The following PSME4 variants were observed in gnomAD, a reference collection of about 807,000 sequenced individuals.
PSME4 encodes proteasome activator subunit 4.
A neutral mutation model predicts 253.9 loss-of-function variants in PSME4; 89 were observed. The observed-to-expected ratio is 0.35, with a 90% CI of 0.30 to 0.42. The LOEUF is 0.42. PSME4 is among the 10% of genes least tolerant of loss of function. The pLI is 1.00. For synonymous variants in PSME4, 851 were observed against 759.2 expected, an observed-to-expected ratio of 1.12 and a Z score of -1.99; for missense variants, 2,014 against 2,195.2, an observed-to-expected ratio of 0.92 and a Z score of 1.65.
In PSME4 at chr2:53,867,501, G is replaced by A. The variant is rs574926756; in HGVS notation, c.5264-621C>T. On this transcript the variant is annotated intron_variant, in intron 44 of 46. Transcript: ENST00000404125. The stretch of plus-strand genomic sequence containing the variant: ...GATACAGAGTGAGGCTCCGTCTCAA[G>A]GAAAAAAAAAAAAAAAAAAAAGCTA... Among the ~76,000 whole-genome samples, 15 of 113,392 alleles carry A rather than the reference G, an allele frequency of 1.3e-4. No individual in the cohort carries two copies. The East Asian group carries it at 1.9e-3, about 15-fold the overall frequency. The allele number at this position is 113,392 out of a possible 152,430, so 74.4% of individuals were successfully genotyped here.
intron 1 of PSME4, among the ~76,000 whole-genome samples, chr2:53,962,935 A>T (rs1419492137): frequency 6.6e-6 from 1 of 151,748 alleles, no homozygotes; most frequent in East Asian, 1.9e-4. Flanking sequence ...ACTTGAACCC[A>T]GGAAGTGGAG....
intron 22 of PSME4, 27 bp downstream of exon 22, chr2:53,908,757 A>C (rs577253287): frequency 2.6e-6 from 4 of 1,544,870 alleles, no homozygotes; most frequent in Non-Finnish European, 2.7e-6. Context: ...CAAAGTACAA[A>C]TAAGTTAAAT....
At chr2:53,923,504 T>G in intron 14 of PSME4, 85 bp from the exon 15 acceptor site, 1 of 1,421,544 alleles carries the variant, frequency 7.0e-7, no homozygotes, top group Non-Finnish European at 9.2e-7. Context: ...ATAAATATAT[T>G]TAGACAATTC....
chr2:53,895,534 C>T, intron 33 of PSME4, 49 bp downstream of exon 33: 2 of 1,531,004 alleles, frequency 1.3e-6, no homozygotes, highest in Non-Finnish European at 8.8e-7. Flanking sequence ...TATGATAAAG[C>T]AGTTATATCA....
intron 1 of PSME4, among the ~76,000 whole-genome samples, chr2:53,966,988 C>A (rs931644471): frequency 3.3e-5 from 5 of 152,108 alleles, no homozygotes; most frequent in African/African-American, 9.7e-5. Flanking sequence ...ATAACAAAAT[C>A]AAGTTTTAAG....
chr2:53,955,779 G>A (rs1337408305), intron 1 of PSME4, among the ~76,000 whole-genome samples: 2 of 148,866 alleles, frequency 1.3e-5, no homozygotes, highest in Non-Finnish European at 3.0e-5. Flanking sequence ...AAAATTAGCC[G>A]GGCGTGATAG....
Position 53,936,225 on chromosome 2 carries a change from C to T in PSME4, c.760-64G>A, listed in dbSNP as rs932482094. The T allele has an allele frequency of 1.9e-6, 3 of 1,593,870 alleles. No individual in the cohort carries two copies. The African/African-American group carries it at 4.1e-5, about 22-fold the overall frequency. ...TGTTATTGTTTAAGTGTCATAGTCACACCCCTCCTCCATTTGTTCTTTTTG... is the reference window on the plus strand; with the variant it reads ...TGTTATTGTTTAAGTGTCATAGTCATACCCCTCCTCCATTTGTTCTTTTTG... On this transcript the variant is annotated intron_variant, in intron 6 of 46. Transcript: ENST00000404125.
intron 1 of PSME4, among the ~76,000 whole-genome samples, chr2:53,967,681 T>TAAAAAAAAAAAA (rs1670810438): frequency 2.0e-4 from 8 of 39,918 alleles, no homozygotes; most frequent in East Asian, 1.0e-3. Flanking sequence ...AAAAAAAAAG[T>TAAAAAAAAAAAA]CAAAAAGAGG....
At chr2:53,937,030 T>A (rs1285904987) in intron 5 of PSME4, among the ~76,000 whole-genome samples, 1 of 152,204 alleles carries the variant, frequency 6.6e-6, no homozygotes, top group Non-Finnish European at 1.5e-5. Context: ...AGAAATATGA[T>A]CTCACAGATT....
chr2:53,957,413 G>A (rs965628196), intron 1 of PSME4, among the ~76,000 whole-genome samples: 1 of 152,160 alleles, frequency 6.6e-6, no homozygotes, highest in Non-Finnish European at 1.5e-5. Flanking sequence ...TCCCATTGGG[G>A]GGTGATGGGA....
intron 1 of PSME4, among the ~76,000 whole-genome samples, chr2:53,966,192 G>A (rs1670728718): frequency 6.6e-6 from 1 of 152,150 alleles, no homozygotes; most frequent in African/African-American, 2.4e-5. Flanking sequence ...GCAGAGACAT[G>A]AGGGTTGCTT....
intron 24 of PSME4, 127 bp downstream of exon 24, chr2:53,908,193 C>A (rs938957831): frequency 3.0e-6 from 2 of 675,004 alleles, no homozygotes; most frequent in African/African-American, 1.8e-5. Flanking sequence ...TTAACTTTTA[C>A]ATACTTTTAA....
chr2:53,936,523 T>C (rs1466668126), intron 6 of PSME4, among the ~76,000 whole-genome samples: 1 of 152,178 alleles, frequency 6.6e-6, no homozygotes, highest in African/African-American at 2.4e-5. Context: ...CATTTTACAA[T>C]ACATGCTTAT....
intron 1 of PSME4, among the ~76,000 whole-genome samples, chr2:53,964,225 T>A (rs549019815): frequency 6.6e-6 from 1 of 152,288 alleles, no homozygotes; most frequent in South Asian, 2.1e-4. Context: ...ATGTGTGACA[T>A]CATCATGAAA....
chr2:53,941,986 T>C (rs1027105168), intron 3 of PSME4, among the ~76,000 whole-genome samples: 2 of 152,168 alleles, frequency 1.3e-5, no homozygotes, highest in African/African-American at 2.4e-5. Context: ...TTCAGAAGAA[T>C]AGGAAGTTAA....
At chr2:53,894,786 A>G (rs1161559128) in intron 34 of PSME4, among the ~76,000 whole-genome samples, 1 of 152,234 alleles carries the variant, frequency 6.6e-6, no homozygotes, top group Admixed American at 6.5e-5. Flanking sequence ...TGAATGGGGT[A>G]GTAACTCAGT....
intron 24 of PSME4, among the ~76,000 whole-genome samples, chr2:53,907,433 T>A (rs567845124): frequency 2.6e-5 from 4 of 152,272 alleles, no homozygotes; most frequent in African/African-American, 9.6e-5. Context: ...TCAAAACATG[T>A]TATTTCCATT....
intron 43 of PSME4, among the ~76,000 whole-genome samples, chr2:53,871,530 A>G (rs984624307): frequency 6.6e-6 from 1 of 152,076 alleles, no homozygotes; most frequent in African/African-American, 2.4e-5. Context: ...CTGGGATTAC[A>G]GGCATGAGCC....
chr2:53,889,033 T>C (rs1261951825), intron 37 of PSME4, among the ~76,000 whole-genome samples: 1 of 152,080 alleles, frequency 6.6e-6, no homozygotes, highest in Admixed American at 6.6e-5. Flanking sequence ...GCCTGGCTAA[T>C]TTTTTATTTT....
Sources: gnomAD v4.1 joint callset for allele counts (sites outside exome capture counted in the v4.1 genomes callset) on GRCh38, gnomAD v4.1.1 for gene constraint, MANE v1.5 for transcripts, NCBI Gene and HGNC (gene_info 2026-07-23, HGNC 2026-07-21) for gene names.